Variants in GRIP1 observed in about 807,000 individuals in gnomAD.
The protein encoded by GRIP1 is glutamate receptor interacting protein 1.
Under a neutral mutation model 129.9 loss-of-function variants are expected in GRIP1, and 45 were observed. The ratio of observed to expected loss-of-function variants is 0.35; its 90% CI spans 0.27 to 0.44. The LOEUF (loss-of-function observed/expected upper bound fraction) is 0.44, where lower values mean the gene tolerates loss of function less well. Ranked by LOEUF, GRIP1 falls within the 20% of genes least tolerant of loss-of-function variation. The pLI is 1.00. For missense variants in GRIP1, 1,196 were observed against 1,396.8 expected (o/e 0.86, Z 2.29); for synonymous variants, 530 against 520.8 (o/e 1.02, Z -0.24).
chr12:66,564,885 G>A (rs1213950744), intron 2 of GRIP1, among the ~76,000 whole-genome samples: 1 of 152,238 alleles, frequency 6.6e-6, no homozygotes, highest in Non-Finnish European at 1.5e-5. Context: ...CAGTGATGAT[G>A]AGCATTTTTT....
At chr12:66,584,170 A>G (rs2063517912) in intron 2 of GRIP1, among the ~76,000 whole-genome samples, 1 of 148,918 alleles carries the variant, frequency 6.7e-6, no homozygotes, top group Non-Finnish European at 1.5e-5. Context: ...AAAAAACCAA[A>G]CACCGCATAT....
chr12:67,025,666 A>T (rs866855418), intron 1 of GRIP1, among the ~76,000 whole-genome samples: 3 of 152,062 alleles, frequency 2.0e-5, no homozygotes, highest in Non-Finnish European at 2.9e-5. Context: ...CTCTCCCCCC[A>T]GGGTTTAACT....
intron 13 of GRIP1, among the ~76,000 whole-genome samples, chr12:66,435,790 C>T (rs549991173): frequency 2.0e-5 from 3 of 152,260 alleles, no homozygotes; most frequent in African/African-American, 7.2e-5. Context: ...TCCTGGAAAA[C>T]AGTAATGAAT....
chr12:66,915,009 T>TG (rs2041096996), intron 1 of GRIP1, among the ~76,000 whole-genome samples: 1 of 152,226 alleles, frequency 6.6e-6, no homozygotes, highest in African/African-American at 2.4e-5. Flanking sequence ...CTCTATTTTA[T>TG]GGACATAAAT....
At chr12:66,993,981 G>T (rs545232955) in intron 1 of GRIP1, among the ~76,000 whole-genome samples, 6 of 151,928 alleles carry the variant, frequency 3.9e-5, no homozygotes, top group Admixed American at 3.9e-4. Context: ...AAATCTGAAC[G>T]GATCTATAAC....
intron 1 of GRIP1, among the ~76,000 whole-genome samples, chr12:66,839,067 T>C (rs12426956): frequency 0.2 from 30,286 of 152,030 alleles, 3,687 homozygotes; most frequent in Non-Finnish European, 0.27. Flanking sequence ...TACTGAGCAT[T>C]ATCATAGCGA....
intron 4 of GRIP1, 147 bp from the exon 5 acceptor site, chr12:66,530,061 A>T (rs1351854525): frequency 4.7e-6 from 3 of 642,072 alleles, no homozygotes; most frequent in Non-Finnish European, 8.3e-6. Context: ...GAAAATGTTT[A>T]AAAAACTGTA....
intron 1 of GRIP1, among the ~76,000 whole-genome samples, chr12:66,895,282 A>T (rs886541328): frequency 8.5e-5 from 13 of 152,236 alleles, no homozygotes; most frequent in African/African-American, 2.9e-4. Context: ...TGCTGTTCTC[A>T]TGATAGTGAA....
chr12:66,716,138 G>A (rs2035880574), intron 1 of GRIP1, among the ~76,000 whole-genome samples: 2 of 151,840 alleles, frequency 1.3e-5, no homozygotes, highest in African/African-American at 4.8e-5. Context: ...CCTCTGTAAG[G>A]AAGATCAAAC....
chr12:66,617,274 C>T (rs1251044641), intron 1 of GRIP1, among the ~76,000 whole-genome samples: 1 of 133,926 alleles, frequency 7.5e-6, no homozygotes, highest in African/African-American at 3.0e-5. Context: ...GTTTCCTCCA[C>T]ACAGCCAACA....
intron 1 of GRIP1, among the ~76,000 whole-genome samples, chr12:66,940,532 A>G (rs2041567935): frequency 6.6e-6 from 1 of 152,180 alleles, no homozygotes; most frequent in African/African-American, 2.4e-5. Flanking sequence ...GCATCAGTAA[A>G]GGCAGCCAAT....
upstream of GRIP1, among the ~76,000 whole-genome samples, chr12:66,682,982 C>G (rs759701647): frequency 6.6e-6 from 1 of 152,108 alleles, no homozygotes; most frequent in Non-Finnish European, 1.5e-5. Context: ...GCTTAACATG[C>G]TTAGCTCACT....
intron 1 of GRIP1, among the ~76,000 whole-genome samples, chr12:66,790,795 A>G (rs2038507133): frequency 6.6e-6 from 1 of 152,086 alleles, no homozygotes; most frequent in South Asian, 2.1e-4. Context: ...TCCAGAGCTC[A>G]TTTGTGACAT....
rs1293206236 is a variant in GRIP1, at chr12:66,979,237, A to ACAAAAC, written c.58+89812_58+89813insGTTTTG. 2.0e-3 allele frequency among the ~76,000 whole-genome samples: 221 copies of ACAAAAC among 108,374 alleles called. 1 individual carries two copies. The highest frequency in any genetic ancestry group is 3.2e-3 in the Non-Finnish European group (169 of 52,988). The allele number at this position is 108,374 out of a possible 152,430, so 71.1% of individuals were successfully genotyped here. ...CTTCTCTTCTTAAAAAAAAAAAAAA[A>ACAAAAC]AAAAAAAAAAAAAAAAACAAGCCCG... is the stretch of plus-strand genomic sequence containing the variant. On this transcript the variant is annotated intron_variant, in intron 1 of 1. Coordinates refer to the GRIP1 transcript ENST00000643019.
intron 1 of GRIP1, among the ~76,000 whole-genome samples, chr12:67,061,213 C>T (rs1414389886): frequency 6.6e-6 from 1 of 152,196 alleles, no homozygotes; most frequent in East Asian, 1.9e-4. Context: ...CACAAGTTAT[C>T]CAAATAATGC....
At chr12:67,060,848 T>TAC (rs2043521406) in intron 1 of GRIP1, among the ~76,000 whole-genome samples, 8 of 118,816 alleles carry the variant, frequency 6.7e-5, no homozygotes, top group Non-Finnish European at 1.4e-4. Flanking sequence ...AAAAAAAATG[T>TAC]GTTGGCAGTG....
chr12:66,757,361 A>G (rs913439917), intron 1 of GRIP1, among the ~76,000 whole-genome samples: 3 of 152,150 alleles, frequency 2.0e-5, no homozygotes, highest in African/African-American at 7.2e-5. Context: ...GGCTTATTTC[A>G]CTTAACATAA....
At chr12:67,036,106 A>G (rs2043090078) in intron 1 of GRIP1, among the ~76,000 whole-genome samples, 1 of 152,194 alleles carries the variant, frequency 6.6e-6, no homozygotes, top group African/African-American at 2.4e-5. Flanking sequence ...GTTCATCACC[A>G]TTGTTTCACC....
chr12:66,713,618 C>T (rs2035779591), intron 1 of GRIP1, among the ~76,000 whole-genome samples: 1 of 152,022 alleles, frequency 6.6e-6, no homozygotes, highest in African/African-American at 2.4e-5. Flanking sequence ...TGTCCATCAC[C>T]CACCAGACGC....
Sources: allele counts gnomAD v4.1 joint callset (sites outside exome capture counted in the v4.1 genomes callset), GRCh38; gene constraint gnomAD v4.1.1; transcripts MANE v1.5; gene names NCBI Gene and HGNC (gene_info 2026-07-23, HGNC 2026-07-21).